Variants in SGCD observed in about 807,000 individuals in gnomAD.
The protein encoded by SGCD is sarcoglycan delta, also known as delta-sarcoglycan.
In SGCD, 18 loss-of-function variants were observed where a neutral mutation model predicts 36.6. That is an observed-to-expected ratio of 0.49 (90% confidence interval 0.34 to 0.73). The LOEUF is 0.73. Among genes scored for constraint, SGCD ranks in the 30% least tolerant of loss-of-function variants. The pLI is 0.01. For synonymous variants in SGCD, 133 were observed against 130.6 expected, an observed-to-expected ratio of 1.02 and a Z score of -0.12; for missense variants, 387 against 346.7, an observed-to-expected ratio of 1.12 and a Z score of -0.92.
intron 7 of SGCD, among the ~76,000 whole-genome samples, chr5:156,726,885 G>C (rs1755801953): frequency 6.6e-6 from 1 of 152,216 alleles, no homozygotes; most frequent in Non-Finnish European, 1.5e-5. Context: ...TTGTGGTCAA[G>C]TTACTTAACC....
chr5:156,509,406 C>G (rs1247822615), intron 4 of SGCD, among the ~76,000 whole-genome samples: 1 of 152,130 alleles, frequency 6.6e-6, no homozygotes, highest in Non-Finnish European at 1.5e-5. Context: ...GCCTGGGCAA[C>G]AGAGCAAGGC....
intron 3 of SGCD, among the ~76,000 whole-genome samples, chr5:156,155,727 A>G (rs1438154026): frequency 1.3e-5 from 2 of 151,484 alleles, no homozygotes; most frequent in African/African-American, 2.4e-5. Flanking sequence ...AGAGCCAAGT[A>G]GCCCTCCGTC....
intron 3 of SGCD, among the ~76,000 whole-genome samples, chr5:156,506,858 G>T (rs1756723523): frequency 6.6e-6 from 1 of 152,168 alleles, no homozygotes; most frequent in South Asian, 2.1e-4. Flanking sequence ...TTCAGAGTTA[G>T]CAAATAGTTG....
rs541599794 is a variant in SGCD, at chr5:156,439,822, T to C, written c.193-68779T>C. ...ATTAGCCAGGAATCCTTTATGTTTA[T>C]ACCATTAATGAATATCTTGTTGTAT... On this transcript the variant is annotated intron_variant, in intron 3 of 8. Transcript: ENST00000337851. Among the ~76,000 whole-genome samples the C allele has an allele frequency of 2.0e-5, 3 of 152,256 alleles. No homozygotes were observed. The East Asian group carries it at 5.8e-4, about 29-fold the overall frequency.
chr5:156,375,122 C>T (rs998507896), intron 3 of SGCD, among the ~76,000 whole-genome samples: 1 of 152,130 alleles, frequency 6.6e-6, no homozygotes, highest in Non-Finnish European at 1.5e-5. Context: ...ATTCTCCCCA[C>T]TCCTTCCCTT....
intron 7 of SGCD, among the ~76,000 whole-genome samples, chr5:156,674,904 A>C (rs905691035): frequency 6.6e-6 from 1 of 152,244 alleles, no homozygotes; most frequent in Non-Finnish European, 1.5e-5. Context: ...TTCCTAAAGC[A>C]GAATGGGACG....
At position 156,178,877 on chromosome 5, in the gene SGCD, A is replaced by G. The variant is rs149589224; in HGVS notation, c.-44+54858A>G. ...CACCGCGCCCAGCCTGAATGTATTA[A>G]TGATTGCCAATATATGTTGTTTGAG... is the stretch of plus-strand genomic sequence containing the variant. On this transcript the variant is annotated intron_variant, in intron 3 of 9. Transcript: ENST00000517913. Among the ~76,000 whole-genome samples, 284 of 152,298 alleles carry G rather than the reference A, an allele frequency of 1.9e-3. 6 individuals carry two copies. In the East Asian group the frequency reaches 0.046, roughly 25 times the overall value.
At position 155,878,751 on chromosome 5, in the gene SGCD, C is replaced by T. The variant is rs187866453; in HGVS notation, c.-282+8327C>T. On this transcript the variant is annotated intron_variant, in intron 1 of 9. Coordinates refer to the SGCD transcript ENST00000517913. ...GCCCAGAACTCAGATTTTGTTAACC[C>T]ATATAACATCGTTGGCACTATTTTC... Among the ~76,000 whole-genome samples the T allele has an allele frequency of 1.1e-4, 17 of 152,162 alleles. No individual in the cohort carries two copies. The East Asian group carries it at 3.3e-3, about 29-fold the overall frequency.
chr5:156,683,711 G>C (rs543578614), intron 7 of SGCD, among the ~76,000 whole-genome samples: 1 of 152,056 alleles, frequency 6.6e-6, no homozygotes, highest in South Asian at 2.1e-4. Context: ...GAAATCCCTG[G>C]CTTTGTCACT....
intron 2 of SGCD, among the ~76,000 whole-genome samples, chr5:156,343,439 T>G (rs1478553465): frequency 6.6e-6 from 1 of 152,254 alleles, no homozygotes; most frequent in Non-Finnish European, 1.5e-5. Context: ...TGGTACCACA[T>G]TCATATGATT....
intron 7 of SGCD, among the ~76,000 whole-genome samples, chr5:156,680,774 A>G (rs1456024276): frequency 6.6e-6 from 1 of 152,236 alleles, no homozygotes; most frequent in East Asian, 1.9e-4. Context: ...ATGACAAGGT[A>G]GAAGCACTTC....
intron 1 of SGCD, among the ~76,000 whole-genome samples, chr5:156,048,333 T>C (rs995634376): frequency 6.6e-6 from 1 of 152,214 alleles, no homozygotes; most frequent in Non-Finnish European, 1.5e-5. Flanking sequence ...TTTGGGTATA[T>C]ACCCAGTAAT....
At chr5:156,726,788 C>T (rs1322158594) in intron 7 of SGCD, among the ~76,000 whole-genome samples, 1 of 152,128 alleles carries the variant, frequency 6.6e-6, no homozygotes, top group Non-Finnish European at 1.5e-5. Flanking sequence ...GTTTGTCTTC[C>T]ACAGGAGAGG....
chr5:155,852,285 G>C, the SGCD span, among the ~76,000 whole-genome samples: 2 of 152,220 alleles, frequency 1.3e-5, no homozygotes, highest in Middle Eastern at 3.4e-3. Flanking sequence ...TGAGTGGAGT[G>C]TTTAAAGTAG....
intron 3 of SGCD, among the ~76,000 whole-genome samples, chr5:156,172,569 C>T (rs1021273758): frequency 6.6e-6 from 1 of 152,194 alleles, no homozygotes; most frequent in African/African-American, 2.4e-5. Flanking sequence ...TGATGACCTA[C>T]ATATAAAATA....
intron 3 of SGCD, among the ~76,000 whole-genome samples, chr5:156,369,254 G>A (rs1393602068): frequency 6.6e-6 from 1 of 152,156 alleles, no homozygotes; most frequent in Admixed American, 6.5e-5. Context: ...ACTTTTGTTT[G>A]CAGTGTTGTT....
intron 3 of SGCD, among the ~76,000 whole-genome samples, chr5:156,259,190 C>T (rs1765789925): frequency 6.6e-6 from 1 of 151,096 alleles, no homozygotes; most frequent in Non-Finnish European, 1.5e-5. Flanking sequence ...TAACTCATTG[C>T]AGTTTCCATT....
At chr5:156,110,250 TAGGAGAAA>T (rs1489667741) in intron 1 of SGCD, among the ~76,000 whole-genome samples, 3 of 152,186 alleles carry the variant, frequency 2.0e-5, no homozygotes, top group Non-Finnish European at 4.4e-5. Flanking sequence ...CACAAGTTGT[TAGGAGAAA>T]GAAATGGGTC....
At chr5:156,627,223 G>A (rs942441292) in intron 6 of SGCD, among the ~76,000 whole-genome samples, 1 of 152,192 alleles carries the variant, frequency 6.6e-6, no homozygotes, top group African/African-American at 2.4e-5. Flanking sequence ...TCATGAAAAT[G>A]TGGAAGGGGT....
Sources: gnomAD v4.1 joint callset for allele counts (sites outside exome capture counted in the v4.1 genomes callset) on GRCh38, gnomAD v4.1.1 for gene constraint, MANE v1.5 for transcripts, NCBI Gene and HGNC (gene_info 2026-07-23, HGNC 2026-07-21) for gene names.